Variants in MAN2A1 observed in about 807,000 individuals in gnomAD.
MAN2A1 encodes alpha-mannosidase 2.
A neutral mutation model predicts 142.6 loss-of-function variants in MAN2A1; 76 were observed. That is an observed-to-expected ratio of 0.53 (90% CI 0.44 to 0.65). MAN2A1 has a LOEUF of 0.65. MAN2A1 is among the 30% of genes least tolerant of loss of function. The pLI, the probability that MAN2A1 is intolerant of heterozygous loss-of-function variation, is 0.00. For synonymous variants in MAN2A1, 559 were observed against 473.2 expected (o/e 1.18, Z -2.35); for missense variants, 1,311 against 1,365.1 (o/e 0.96, Z 0.62).
intron 5 of MAN2A1, among the ~76,000 whole-genome samples, chr5:109,757,798 A>T (rs1353461640): frequency 2.0e-5 from 3 of 152,148 alleles, no homozygotes; most frequent in Non-Finnish European, 4.4e-5. Flanking sequence ...GAAGCATGTA[A>T]TGTATGGCCT....
chr5:109,757,624 C>T (rs1752722634), intron 5 of MAN2A1, among the ~76,000 whole-genome samples: 1 of 152,150 alleles, frequency 6.6e-6, no homozygotes. Context: ...GCAACCATCA[C>T]CACAGTCTAT....
At chr5:109,822,245 G>C (rs1754646067) in intron 15 of MAN2A1, among the ~76,000 whole-genome samples, 1 of 151,158 alleles carries the variant, frequency 6.6e-6, no homozygotes, top group Admixed American at 6.6e-5. Context: ...AGGATGGGCA[G>C]TGAGTCCCAA....
chr5:109,796,122 G>A lies in MAN2A1; in HGVS notation c.1943+6595G>A, dbSNP rs1252840385. On this transcript the variant is annotated intron_variant, in intron 12 of 21. Coordinates refer to ENST00000261483, the MANE Select transcript of MAN2A1 (RefSeq NM_002372.4). The stretch of plus-strand genomic sequence containing the variant: ...AAGTTGAGGACTTTGGAAATATTCA[G>A]CAAAGGTGAGTCACTGATAAATGTT... Among the ~76,000 whole-genome samples the A allele has an allele frequency of 2.0e-5, 3 of 152,132 alleles. No individual in the cohort carries two copies. In the South Asian group the frequency reaches 6.2e-4, roughly 31 times the overall value.
intron 4 of MAN2A1, among the ~76,000 whole-genome samples, chr5:109,731,525 C>T (rs1231386479): frequency 1.9e-5 from 2 of 106,822 alleles, no homozygotes; most frequent in Non-Finnish European, 3.6e-5. Flanking sequence ...CCCAACCCCA[C>T]AACAGTCCCC....
chr5:109,843,834 A>G (rs1755279212), intron 17 of MAN2A1, among the ~76,000 whole-genome samples: 1 of 152,192 alleles, frequency 6.6e-6, no homozygotes, highest in Non-Finnish European at 1.5e-5. Context: ...TTGAAATACC[A>G]TTAAAACCAT....
intron 12 of MAN2A1, among the ~76,000 whole-genome samples, chr5:109,809,931 C>T (rs934994513): frequency 6.6e-6 from 1 of 152,058 alleles, no homozygotes; most frequent in Non-Finnish European, 1.5e-5. Context: ...TTTTTCACCA[C>T]TTCCATTTGT....
chr5:109,758,793 A>T (rs950139985), intron 5 of MAN2A1, among the ~76,000 whole-genome samples: 22 of 151,332 alleles, frequency 1.5e-4, no homozygotes, highest in Non-Finnish European at 3.1e-4. Flanking sequence ...AGAGTTTCAT[A>T]TTTATTTTTT....
intron 1 of MAN2A1, among the ~76,000 whole-genome samples, chr5:109,696,992 C>T (rs906843916): frequency 3.9e-5 from 6 of 152,120 alleles, no homozygotes; most frequent in Non-Finnish European, 5.9e-5. Context: ...TATAATGGAA[C>T]GTAAAAAAAT....
intron 8 of MAN2A1, among the ~76,000 whole-genome samples, chr5:109,779,859 T>A (rs1753404322): frequency 6.6e-6 from 1 of 152,176 alleles, no homozygotes; most frequent in African/African-American, 2.4e-5. Flanking sequence ...GAAAATTGCT[T>A]ATCTTTAATA....
intron 8 of MAN2A1, among the ~76,000 whole-genome samples, chr5:109,780,564 C>T (rs1167087744): frequency 6.7e-6 from 1 of 149,158 alleles, no homozygotes; most frequent in Non-Finnish European, 1.5e-5. Context: ...GTGTAGGAAA[C>T]AACAAAATCC....
intron 16 of MAN2A1, among the ~76,000 whole-genome samples, chr5:109,841,148 TA>T (rs1301139673): frequency 6.6e-6 from 1 of 152,100 alleles, no homozygotes; most frequent in African/African-American, 2.4e-5. Context: ...GCACCGTTTT[TA>T]AAAAAAATTT....
chr5:109,752,771 TAGAC>T (rs1241184784), intron 4 of MAN2A1, among the ~76,000 whole-genome samples: 2 of 152,298 alleles, frequency 1.3e-5, no homozygotes, highest in South Asian at 2.1e-4. Context: ...TCAAAATTAA[TAGAC>T]AGAATAGTCT....
At chr5:109,807,742 G>A (rs143842590) in intron 12 of MAN2A1, among the ~76,000 whole-genome samples, 2 of 152,120 alleles carry the variant, frequency 1.3e-5, no homozygotes, top group Admixed American at 6.5e-5. Context: ...GCCATATAAG[G>A]TAGCATTCAT....
At chr5:109,848,468 C>G (rs553108103) in intron 19 of MAN2A1, among the ~76,000 whole-genome samples, 1 of 152,324 alleles carries the variant, frequency 6.6e-6, no homozygotes, top group South Asian at 2.1e-4. Flanking sequence ...CAAGTCCTTT[C>G]TGCTCTTTTC....
At chr5:109,823,609 A>C in intron 15 of MAN2A1, 114 bp from the exon 16 acceptor site, 1 of 616,856 alleles carries the variant, frequency 1.6e-6, no homozygotes, top group Admixed American at 2.9e-5. Flanking sequence ...TTTACACTTA[A>C]AATTGCAAAT....
At chr5:109,822,340 A>G (rs1480198282) in intron 15 of MAN2A1, among the ~76,000 whole-genome samples, 2 of 152,176 alleles carry the variant, frequency 1.3e-5, no homozygotes, top group African/African-American at 4.8e-5. Context: ...TACTTAAAAA[A>G]GTAGTTGTGC....
At chr5:109,822,214 A>G (rs1169400242) in intron 15 of MAN2A1, among the ~76,000 whole-genome samples, 1 of 149,796 alleles carries the variant, frequency 6.7e-6, no homozygotes, top group African/African-American at 2.5e-5. Context: ...AAGACAAACT[A>G]CAACTCATAT....
intron 17 of MAN2A1, 49 bp downstream of exon 17, chr5:109,842,510 T>A: frequency 8.0e-7 from 1 of 1,245,268 alleles, no homozygotes. Flanking sequence ...TGGTGTGTAA[T>A]TCTTATATAT....
intron 4 of MAN2A1, among the ~76,000 whole-genome samples, chr5:109,738,238 T>G (rs1003336286): frequency 2.0e-5 from 3 of 151,026 alleles, no homozygotes; most frequent in African/African-American, 4.9e-5. Flanking sequence ...TTTATGTTTT[T>G]TTTTTTTTTT....
Sources: allele counts gnomAD v4.1 joint callset (sites outside exome capture counted in the v4.1 genomes callset), GRCh38; gene constraint gnomAD v4.1.1; transcripts MANE v1.5; gene names NCBI Gene and HGNC (gene_info 2026-07-23, HGNC 2026-07-21).